Variants in MEGF10 observed in about 807,000 individuals in gnomAD.
MEGF10 encodes multiple EGF like domains 10, also known as multiple epidermal growth factor-like domains protein 10.
In MEGF10, 86 loss-of-function variants were observed where a neutral mutation model predicts 147.5. The ratio of observed to expected loss-of-function variants is 0.58; its 90% CI spans 0.49 to 0.70. MEGF10 has a LOEUF of 0.70. MEGF10 is among the 30% of genes least tolerant of loss of function. The pLI is 0.00. For synonymous variants in MEGF10, 478 were observed against 525.5 expected (o/e 0.91, Z 1.24); for missense variants, 1,329 against 1,487.3 (o/e 0.89, Z 1.75).
chr5:127,438,393 A>G, intron 16 of MEGF10, 46 bp from the exon 17 acceptor site: 1 of 1,604,000 alleles, frequency 6.2e-7, no homozygotes, highest in South Asian at 1.1e-5. Context: ...CCTACTTAGT[A>G]TTGGCCTCAG....
intron 1 of MEGF10, among the ~76,000 whole-genome samples, chr5:127,322,954 A>G (rs185783990): frequency 3.7e-4 from 57 of 152,272 alleles, no homozygotes; most frequent in African/African-American, 1.3e-3. Context: ...CAATGTGTGT[A>G]TACACATACA....
At chr5:127,256,832 T>C in the MEGF10 span, among the ~76,000 whole-genome samples, 1 of 151,784 alleles carries the variant, frequency 6.6e-6, no homozygotes, top group Non-Finnish European at 1.5e-5. Flanking sequence ...TCACTGAAAA[T>C]AAACTGATGA....
At chr5:127,279,665 A>G in the MEGF10 span, among the ~76,000 whole-genome samples, 1 of 152,116 alleles carries the variant, frequency 6.6e-6, no homozygotes, top group South Asian at 2.1e-4. Context: ...TTTAGAATAA[A>G]ACTTGAAAGA....
chr5:127,239,920 G>A, the MEGF10 span, among the ~76,000 whole-genome samples: 2 of 152,060 alleles, frequency 1.3e-5, no homozygotes, highest in African/African-American at 2.4e-5. Context: ...CCCAGCCCCA[G>A]CTACTATTTT....
intron 5 of MEGF10, among the ~76,000 whole-genome samples, chr5:127,371,534 G>A (rs1332346690): frequency 2.6e-5 from 4 of 152,150 alleles, no homozygotes; most frequent in African/African-American, 9.7e-5. Flanking sequence ...GGGCGTATTA[G>A]TCATTTAAAA....
intron 4 of MEGF10, among the ~76,000 whole-genome samples, chr5:127,358,027 T>A (rs1762339547): frequency 6.6e-6 from 1 of 152,204 alleles, no homozygotes; most frequent in Non-Finnish European, 1.5e-5. Context: ...GGCATTCTCA[T>A]AGCAAAGGTT....
intron 5 of MEGF10, among the ~76,000 whole-genome samples, chr5:127,380,856 GC>G (rs950406530): frequency 6.6e-6 from 1 of 152,140 alleles, no homozygotes; most frequent in Admixed American, 6.6e-5. Context: ...AGATCCCCTG[GC>G]CATAGACTGG....
chr5:127,451,946 C>T (rs777758043), intron 22 of MEGF10, among the ~76,000 whole-genome samples: 16 of 152,304 alleles, frequency 1.1e-4, no homozygotes, highest in Non-Finnish European at 1.6e-4. Context: ...ACACAAAAGA[C>T]CCTGAGATAT....
chr5:127,323,051 C>CT (rs1221024986), intron 1 of MEGF10, among the ~76,000 whole-genome samples: 4 of 151,690 alleles, frequency 2.6e-5, no homozygotes, highest in Non-Finnish European at 5.9e-5. Flanking sequence ...CACAGGCATT[C>CT]TTTGTGGTAT....
intron 16 of MEGF10, 25 bp from the exon 17 acceptor site, chr5:127,438,414 G>T (rs747342777): frequency 6.2e-7 from 1 of 1,611,986 alleles, no homozygotes; most frequent in Non-Finnish European, 8.5e-7. Flanking sequence ...AACTCTGATG[G>T]ACTTCTCCAT....
At chr5:127,283,553 T>C in the MEGF10 span, among the ~76,000 whole-genome samples, 2 of 152,280 alleles carry the variant, frequency 1.3e-5, no homozygotes, top group Non-Finnish European at 1.5e-5. Context: ...CCAGACACAT[T>C]TGGGAGTCCT....
At chr5:127,248,722 A>T in the MEGF10 span, among the ~76,000 whole-genome samples, 1 of 151,826 alleles carries the variant, frequency 6.6e-6, no homozygotes, top group East Asian at 1.9e-4. Context: ...ATCTTGTGGG[A>T]TAATATCAGT....
intron 4 of MEGF10, among the ~76,000 whole-genome samples, chr5:127,368,379 C>T (rs1762728810): frequency 6.6e-6 from 1 of 152,178 alleles, no homozygotes; most frequent in South Asian, 2.1e-4. Context: ...AAGAGTTGTT[C>T]TGATGATAGC....
chr5:127,417,862 C>A (rs757295679), intron 10 of MEGF10, 50 bp downstream of exon 10: 36 of 1,557,276 alleles, frequency 2.3e-5, no homozygotes, highest in Non-Finnish European at 3.1e-5. Flanking sequence ...CAGTGTGAAG[C>A]ATCTCAATAC....
the MEGF10 span, among the ~76,000 whole-genome samples, chr5:127,246,544 G>A: frequency 1.3e-5 from 2 of 151,564 alleles, no homozygotes; most frequent in Admixed American, 1.3e-4. Context: ...CATGGCACAT[G>A]TATACCTATG....
intron 5 of MEGF10, among the ~76,000 whole-genome samples, chr5:127,393,799 A>G (rs1370018482): frequency 6.6e-6 from 1 of 151,428 alleles, no homozygotes; most frequent in Non-Finnish European, 1.5e-5. Context: ...TTATGATAAG[A>G]TATCTTCAAA....
At chr5:127,341,080 A>G (rs1761663746) in intron 4 of MEGF10, among the ~76,000 whole-genome samples, 2 of 152,140 alleles carry the variant, frequency 1.3e-5, no homozygotes, top group South Asian at 4.1e-4. Flanking sequence ...TTTTCACATT[A>G]AAAAATGACA....
At chr5:127,263,566 C>CCCTTCTAAA in the MEGF10 span, among the ~76,000 whole-genome samples, 1 of 152,078 alleles carries the variant, frequency 6.6e-6, no homozygotes, top group Non-Finnish European at 1.5e-5. Flanking sequence ...TGTAGGATTG[C>CCCTTCTAAA]TTTTCCTGAA....
chr5:127,302,118 A>G (rs1347351269), intron 1 of MEGF10, among the ~76,000 whole-genome samples: 1 of 152,156 alleles, frequency 6.6e-6, no homozygotes, highest in Non-Finnish European at 1.5e-5. Flanking sequence ...TAAGATGTCA[A>G]CAGAATTGAA....
Sources: allele counts gnomAD v4.1 joint callset (sites outside exome capture counted in the v4.1 genomes callset), GRCh38; gene constraint gnomAD v4.1.1; transcripts MANE v1.5; gene names NCBI Gene and HGNC (gene_info 2026-07-23, HGNC 2026-07-21).